The following RMC1 variants were observed in gnomAD, a reference collection of about 807,000 sequenced individuals.
RMC1 encodes regulator of MON1-CCZ1 complex.
RMC1 carries 44 observed loss-of-function variants against 95.5 expected under a neutral mutation model. The observed-to-expected ratio is 0.46, with a 90% CI of 0.36 to 0.59. The LOEUF is 0.59. Among genes scored for constraint, RMC1 ranks in the 20% least tolerant of loss-of-function variants. The probability of loss-of-function intolerance (pLI) is 0.00; values close to 1 mark genes in which losing one functional copy is unlikely to be tolerated. For synonymous variants in RMC1, 320 were observed against 303.6 expected, an observed-to-expected ratio of 1.05 and a Z score of -0.56; for missense variants, 705 against 819.6, an observed-to-expected ratio of 0.86 and a Z score of 1.71.
At chr18:23,515,835 G>A (rs1241773600) in intron 5 of RMC1, 21 bp from the exon 6 acceptor site, 3 of 1,613,492 alleles carry the variant, frequency 1.9e-6, no homozygotes, top group Non-Finnish European at 2.5e-6. Context: ...TGAAGATCCT[G>A]TTTCTTAAAC....
At chr18:23,527,685 C>CT in intron 13 of RMC1, 110 bp from the exon 14 acceptor site, 2 of 791,684 alleles carry the variant, frequency 2.5e-6, no homozygotes, top group South Asian at 2.7e-5. Flanking sequence ...TTTAAAGGTA[C>CT]TTTTGCATTG....
intron 5 of RMC1, among the ~76,000 whole-genome samples, chr18:23,515,398 G>C (rs1352412669): frequency 1.3e-5 from 2 of 152,188 alleles, no homozygotes; most frequent in Non-Finnish European, 2.9e-5. Flanking sequence ...GCTCTGTAAA[G>C]CACCAAGCAT....
intron 12 of RMC1, 25 bp from the exon 13 acceptor site, chr18:23,526,612 T>C (rs746176272): frequency 1.2e-6 from 2 of 1,612,302 alleles, no homozygotes; most frequent in Admixed American, 1.7e-5. Context: ...TCATACTGTT[T>C]TATTTGCTGC....
intron 5 of RMC1, among the ~76,000 whole-genome samples, chr18:23,513,707 G>A (rs987935218): frequency 1.3e-5 from 2 of 151,778 alleles, no homozygotes; most frequent in Non-Finnish European, 2.9e-5. Context: ...AACACTTGCT[G>A]TTTTGTTTTG....
intron 7 of RMC1, among the ~76,000 whole-genome samples, chr18:23,517,871 C>G (rs555870977): frequency 1.8e-4 from 28 of 152,272 alleles, no homozygotes; most frequent in Admixed American, 1.6e-3. Context: ...GCGCATGCCA[C>G]CACATCTGGA....
In RMC1 at chr18:23,530,299, T is replaced by G; in HGVS notation, c.1668+2T>G. ...CAGCTATCTCTGGACATGCTGAAGG[T>G]AACTCTGATGTGTGAGGTTTTAGAC... On this transcript the variant is annotated splice_donor_variant, in intron 18 of 19. Coordinates refer to ENST00000269221, the MANE Select transcript of RMC1 (RefSeq NM_013326.5). LOFTEE classifies it high-confidence loss of function. 1 of 1,614,260 alleles carries G rather than the reference T, an allele frequency of 6.2e-7. No individual in the cohort carries two copies.
At chr18:23,519,898 C>T (rs1160271692) in intron 9 of RMC1, among the ~76,000 whole-genome samples, 1 of 152,156 alleles carries the variant, frequency 6.6e-6, no homozygotes, top group Admixed American at 6.5e-5. Context: ...GGTGGTGACG[C>T]TAACTCTGTG....
chr18:23,512,931 A>G (rs1323976524), intron 5 of RMC1, among the ~76,000 whole-genome samples: 1 of 151,644 alleles, frequency 6.6e-6, no homozygotes, highest in African/African-American at 2.4e-5. Flanking sequence ...AGCAATCTCT[A>G]TTTTACTTTC....
intron 5 of RMC1, among the ~76,000 whole-genome samples, chr18:23,512,521 C>T (rs1218761974): frequency 4.0e-5 from 6 of 151,890 alleles, no homozygotes; most frequent in Non-Finnish European, 7.4e-5. Flanking sequence ...CCTAGCCTCA[C>T]GTAGTCCTCC....
At chr18:23,514,626 A>G (rs73390279) in intron 5 of RMC1, among the ~76,000 whole-genome samples, 3,710 of 152,224 alleles carry the variant, frequency 0.024, 117 homozygotes, top group African/African-American at 0.085. Flanking sequence ...TTCCATACAC[A>G]CAGAAATAGA....
chr18:23,516,343 C>T lies in RMC1; in HGVS notation c.573C>T (p.Pro191=). ...HFRAGTMSKL[P]KFEIELPAAP... ...AGGCTGGCACTATGTCGAAGCTGCC[C>T]AAATTTGAGATTGAATTACCAGCTG... Residue 191 remains proline (P), a synonymous_variant, in exon 7 of 20, where the codon CCC becomes CCT. Coordinates refer to ENST00000269221, the MANE Select transcript of RMC1 (RefSeq NM_013326.5). 1 of 1,614,208 alleles carries T rather than the reference C, an allele frequency of 6.2e-7. No homozygotes were observed. Among genetic ancestry groups the T allele is most frequent in the Non-Finnish European group, 8.5e-7 (1 of 1,180,046 alleles).
At chr18:23,524,556 C>T (rs779047941) in intron 12 of RMC1, 74 bp downstream of exon 12, 178 of 1,494,378 alleles carry the variant, frequency 1.2e-4, no homozygotes, top group African/African-American at 4.0e-4. Flanking sequence ...TAGCCAGGGA[C>T]GTTTTCAAGG....
intron 2 of RMC1, among the ~76,000 whole-genome samples, chr18:23,505,280 C>T (rs1208774056): frequency 3.3e-5 from 5 of 152,080 alleles, no homozygotes; most frequent in African/African-American, 9.7e-5. Flanking sequence ...AGGCTGGTTT[C>T]GAACTCCTGA....
In RMC1 at chr18:23,520,273, T is replaced by TC; in HGVS notation, c.924dup (p.Ala309ArgfsTer26). 6.2e-7 allele frequency: 1 copy of TC among 1,614,100 alleles called. No homozygotes were observed. Among genetic ancestry groups the TC allele is most frequent in the Non-Finnish European group, 8.5e-7 (1 of 1,180,002 alleles). ...CCGTTACCTTCCACCACCCCGTGCT[T>TC]CCCGCTCGATCGATCCAGCCCTATC... On this transcript the variant is annotated frameshift_variant, in exon 10 of 20. Coordinates refer to ENST00000269221, the MANE Select transcript of RMC1 (RefSeq NM_013326.5). LOFTEE classifies it high-confidence loss of function.
intron 7 of RMC1, among the ~76,000 whole-genome samples, chr18:23,517,622 A>G (rs1371709439): frequency 1.3e-5 from 2 of 152,178 alleles, no homozygotes; most frequent in East Asian, 3.8e-4. Flanking sequence ...GTGGCCTAAA[A>G]CAGTGGCCCA....
At chr18:23,504,581 C>G in intron 2 of RMC1, 134 bp downstream of exon 2, 1 of 721,254 alleles carries the variant, frequency 1.4e-6, no homozygotes, top group Non-Finnish European at 2.4e-6. Flanking sequence ...ACATGGAATT[C>G]CTGTCTGTAG....
intron 10 of RMC1, among the ~76,000 whole-genome samples, chr18:23,521,759 T>A (rs1250790229): frequency 1.3e-5 from 2 of 151,770 alleles, no homozygotes; most frequent in East Asian, 1.9e-4. Flanking sequence ...AAGTTCAAGA[T>A]CAAGATGTCT....
chr18:23,510,401 A>T (rs889033199), intron 5 of RMC1, among the ~76,000 whole-genome samples: 1 of 152,028 alleles, frequency 6.6e-6, no homozygotes, highest in Non-Finnish European at 1.5e-5. Context: ...TAATCCCAGC[A>T]CTTTGGGAGA....
chr18:23,526,968 AT>A (rs2058315600), intron 13 of RMC1, among the ~76,000 whole-genome samples: 1 of 152,194 alleles, frequency 6.6e-6, no homozygotes, highest in Admixed American at 6.5e-5. Flanking sequence ...GAAAAGAACA[AT>A]AAATGGGATG....
Sources: allele counts gnomAD v4.1 joint callset (sites outside exome capture counted in the v4.1 genomes callset), GRCh38; gene constraint gnomAD v4.1.1; transcripts MANE v1.5; gene names NCBI Gene and HGNC (gene_info 2026-07-23, HGNC 2026-07-21).